Variants in CCSER1 observed in about 807,000 individuals in gnomAD.
The protein encoded by CCSER1 is serine-rich coiled-coil domain-containing protein 1.
Under a neutral mutation model 82.0 loss-of-function variants are expected in CCSER1, and 41 were observed. The ratio of observed to expected loss-of-function variants is 0.50; its 90% confidence interval spans 0.39 to 0.65. The LOEUF (loss-of-function observed/expected upper bound fraction) is 0.65, where lower values mean the gene tolerates loss of function less well. Among genes scored for constraint, CCSER1 ranks in the 30% least tolerant of loss-of-function variants. The probability of loss-of-function intolerance (pLI) is 0.00; values close to 1 mark genes in which losing one functional copy is unlikely to be tolerated. For synonymous variants in CCSER1, 414 were observed against 383.9 expected, an observed-to-expected ratio of 1.08 and a Z score of -0.92; for missense variants, 1,119 against 1,064.2, an observed-to-expected ratio of 1.05 and a Z score of -0.72.
intron 7 of CCSER1, among the ~76,000 whole-genome samples, chr4:90,747,866 T>C (rs1354845743): frequency 2.7e-5 from 4 of 145,966 alleles, no homozygotes; most frequent in African/African-American, 1.0e-4. Context: ...TGTGTTCTCA[T>C]TGTTCAATTC....
At chr4:90,185,644 A>G (rs781169630) in intron 1 of CCSER1, among the ~76,000 whole-genome samples, 4 of 151,996 alleles carry the variant, frequency 2.6e-5, no homozygotes, top group Non-Finnish European at 5.9e-5. Flanking sequence ...GACAAGAGGG[A>G]TGGAGATGAA....
Position 90,804,990 on chromosome 4 carries a change from C to A in CCSER1, c.2011-10772C>A, listed in dbSNP as rs577406307. Among the ~76,000 whole-genome samples the A allele has an allele frequency of 4.6e-5, 7 of 152,084 alleles. No homozygotes were observed. In the South Asian group the frequency reaches 1.5e-3, roughly 32 times the overall value. On this transcript the variant is annotated intron_variant, in intron 7 of 10. Transcript: ENST00000509176. ...CAAATATAATTTAAATCACAAAAAT[C>A]AAAAATTAAATCACAAAATATTTAC...
intron 5 of CCSER1, among the ~76,000 whole-genome samples, chr4:90,564,162 T>C (rs1779109107): frequency 6.6e-6 from 1 of 152,214 alleles, no homozygotes. Flanking sequence ...TACTCATTTA[T>C]TTATTTAAGA....
At chr4:90,789,871 T>C (rs189004869) in intron 7 of CCSER1, among the ~76,000 whole-genome samples, 126 of 152,308 alleles carry the variant, frequency 8.3e-4, no homozygotes, top group African/African-American at 2.8e-3. Context: ...CTAATACACC[T>C]ACTATATTTC....
At chr4:90,391,704 C>A (rs980410510) in intron 3 of CCSER1, among the ~76,000 whole-genome samples, 5 of 151,128 alleles carry the variant, frequency 3.3e-5, no homozygotes, top group African/African-American at 1.2e-4. Context: ...TGGTGGCTGG[C>A]AGAAGTTTAT....
At chr4:91,533,703 CTG>C (rs1252908003) in intron 10 of CCSER1, among the ~76,000 whole-genome samples, 4 of 151,550 alleles carry the variant, frequency 2.6e-5, no homozygotes, top group Non-Finnish European at 4.4e-5. Context: ...CAGTTGAGTT[CTG>C]TGTGTATATC....
intron 6 of CCSER1, among the ~76,000 whole-genome samples, chr4:90,640,179 A>G (rs1177564837): frequency 6.6e-6 from 1 of 152,298 alleles, no homozygotes; most frequent in East Asian, 1.9e-4. Flanking sequence ...ATTTCAATAT[A>G]TAAAACAACC....
At chr4:90,787,260 C>A (rs1754638156) in intron 7 of CCSER1, among the ~76,000 whole-genome samples, 1 of 152,056 alleles carries the variant, frequency 6.6e-6, no homozygotes, top group Non-Finnish European at 1.5e-5. Flanking sequence ...AGAGTCCTGC[C>A]CCAAGAAAGA....
rs138144257 is a variant in CCSER1, at chr4:91,566,779, A to G, written c.2218-31793A>G. On this transcript the variant is annotated intron_variant, in intron 10 of 10. Coordinates refer to ENST00000509176, the MANE Select transcript of CCSER1 (RefSeq NM_001145065.2). Reference sequence around the variant, plus strand: ...TTGTGTTTATTTGGATCTTCTCTCTATTCTTCTTTATTAGTATAGCTAGTA... The same window carrying G: ...TTGTGTTTATTTGGATCTTCTCTCTGTTCTTCTTTATTAGTATAGCTAGTA... Among the ~76,000 whole-genome samples, 1,475 of 151,826 alleles carry G rather than the reference A, an allele frequency of 9.7e-3. 23 individuals carry two copies. Among genetic ancestry groups the G allele is most frequent in the African/African-American group, 0.034 (1,401 of 41,426 alleles).
At chr4:90,950,355 C>A (rs1252742334) in intron 9 of CCSER1, among the ~76,000 whole-genome samples, 1 of 151,914 alleles carries the variant, frequency 6.6e-6, no homozygotes, top group African/African-American at 2.4e-5. Flanking sequence ...ACTAAATAAA[C>A]GTGATGGAAA....
At chr4:90,865,137 A>G (rs1765575955) in intron 8 of CCSER1, among the ~76,000 whole-genome samples, 1 of 152,018 alleles carries the variant, frequency 6.6e-6, no homozygotes, top group Admixed American at 6.6e-5. Flanking sequence ...ATCATGTAAA[A>G]TTGATGTTAT....
intron 10 of CCSER1, among the ~76,000 whole-genome samples, chr4:91,167,554 T>C (rs1732227697): frequency 6.6e-6 from 1 of 152,214 alleles, no homozygotes; most frequent in Non-Finnish European, 1.5e-5. Flanking sequence ...CAATCTGTAA[T>C]ATACAACTTA....
intron 10 of CCSER1, among the ~76,000 whole-genome samples, chr4:91,562,126 A>G (rs1374298516): frequency 6.6e-6 from 1 of 151,530 alleles, no homozygotes; most frequent in Non-Finnish European, 1.5e-5. Context: ...ATGTAACTTC[A>G]ATCACATTTT....
intron 9 of CCSER1, among the ~76,000 whole-genome samples, chr4:90,975,944 G>C (rs1375326554): frequency 6.6e-6 from 1 of 151,132 alleles, no homozygotes; most frequent in African/African-American, 2.4e-5. Context: ...GACCTTTACT[G>C]GGAATTTAGA....
chr4:91,129,095 C>A (rs963181523), intron 10 of CCSER1, among the ~76,000 whole-genome samples: 3 of 151,992 alleles, frequency 2.0e-5, no homozygotes, highest in African/African-American at 4.8e-5. Context: ...GAATTTCAAG[C>A]ATCACATTTT....
chr4:90,396,740 G>T (rs1752016250), intron 3 of CCSER1, among the ~76,000 whole-genome samples: 1 of 151,680 alleles, frequency 6.6e-6, no homozygotes, highest in Admixed American at 6.6e-5. Flanking sequence ...TTTCTTAGGT[G>T]AATTTTGTTT....
intron 10 of CCSER1, among the ~76,000 whole-genome samples, chr4:91,212,613 C>G (rs909497890): frequency 6.6e-6 from 1 of 151,960 alleles, no homozygotes; most frequent in Non-Finnish European, 1.5e-5. Context: ...GTTCTAACTT[C>G]TAATATTTAA....
intron 10 of CCSER1, among the ~76,000 whole-genome samples, chr4:91,200,862 T>C (rs746344999): frequency 6.6e-6 from 1 of 152,100 alleles, no homozygotes; most frequent in African/African-American, 2.4e-5. Flanking sequence ...TTGTGTTTAA[T>C]TGTGTAATAA....
At chr4:90,738,311 C>T (rs1745984518) in intron 7 of CCSER1, among the ~76,000 whole-genome samples, 1 of 152,126 alleles carries the variant, frequency 6.6e-6, no homozygotes. Context: ...TTGGTCACTG[C>T]AGCCATATCT....
Sources: allele counts gnomAD v4.1 joint callset (sites outside exome capture counted in the v4.1 genomes callset), GRCh38; gene constraint gnomAD v4.1.1; transcripts MANE v1.5; gene names NCBI Gene and HGNC (gene_info 2026-07-23, HGNC 2026-07-21).